The following TNFAIP1 variants were observed in gnomAD, a reference collection of about 807,000 sequenced individuals.
The protein encoded by TNFAIP1 is BTB/POZ domain-containing adapter for CUL3-mediated RhoA degradation protein 2.
In TNFAIP1, 20 loss-of-function variants were observed where a neutral mutation model predicts 32.6. The ratio of observed to expected loss-of-function variants is 0.61; its 90% CI spans 0.43 to 0.89. The LOEUF is 0.89. Ranked by LOEUF, TNFAIP1 falls within the 40% of genes least tolerant of loss-of-function variation. The pLI, the probability that TNFAIP1 is intolerant of heterozygous loss-of-function variation, is 0.00. For missense variants in TNFAIP1, 319 were observed against 425.1 expected (o/e 0.75, Z 2.20); for synonymous variants, 166 against 166.8 (o/e 1.00, Z 0.04).
intron 3 of TNFAIP1, 122 bp from the exon 4 acceptor site, chr17:28,341,115 C>A: frequency 3.0e-6 from 3 of 1,002,758 alleles, no homozygotes; most frequent in Non-Finnish European, 4.6e-6. Flanking sequence ...GCCTCATGAT[C>A]TGTATCTGAC....
At chr17:28,341,530 TCGGCG>T in intron 5 of TNFAIP1, 74 bp downstream of exon 5, 1 of 1,551,790 alleles carries the variant, frequency 6.4e-7, no homozygotes, top group Non-Finnish European at 8.9e-7. Flanking sequence ...CCCAGCACGG[TCGGCG>T]TGGGTCTGGG....
At chr17:28,337,222 G>C (rs571478634) in intron 1 of TNFAIP1, among the ~76,000 whole-genome samples, 59 of 152,164 alleles carry the variant, frequency 3.9e-4, no homozygotes, top group African/African-American at 1.3e-3. Flanking sequence ...CTACAAGCAA[G>C]TCAGATCATA....
In TNFAIP1 at chr17:28,341,346, G is replaced by A. The variant is rs1206675378; in HGVS notation, c.465+20G>A. The stretch of plus-strand genomic sequence containing the variant: ...ACCAAGGTACCAGGACCTCTGAGGG[G>A]TGCGGGCCGGGGATGCCAGTCCCCT... On this transcript the variant is annotated intron_variant, in intron 4 of 6. Transcript: ENST00000226225. 3 of 1,614,096 alleles carry A rather than the reference G, an allele frequency of 1.9e-6. No homozygotes were observed. The highest frequency in any genetic ancestry group is 1.7e-5 in the Admixed American group (1 of 60,012).
chr17:28,342,836 G>A lies in TNFAIP1; in HGVS notation c.714+394G>A, dbSNP rs184789272. Among the ~76,000 whole-genome samples the A allele has an allele frequency of 9.2e-5, 14 of 152,296 alleles. No homozygotes were observed. The highest frequency in any genetic ancestry group is 2.6e-4 in the African/African-American group (11 of 41,552). On this transcript the variant is annotated intron_variant, in intron 6 of 6. Coordinates refer to ENST00000226225, the MANE Select transcript of TNFAIP1 (RefSeq NM_021137.5). The surrounding 1 kb of genome is among the most constrained non-coding windows in gnomAD (Gnocchi z 4.0). ...ATGGGGATGATAGTATGAATTTAAC[G>A]AGATATGAAAATGATACAACTCTTT...
At chr17:28,338,751 A>G (rs1907256198) in intron 1 of TNFAIP1, among the ~76,000 whole-genome samples, 2 of 151,938 alleles carry the variant, frequency 1.3e-5, no homozygotes, top group Non-Finnish European at 2.9e-5. Context: ...CCTTGACAAG[A>G]AAGTAACTGG....
At chr17:28,338,541 C>G (rs1907250631) in intron 1 of TNFAIP1, among the ~76,000 whole-genome samples, 1 of 152,012 alleles carries the variant, frequency 6.6e-6, no homozygotes, top group African/African-American at 2.4e-5. Flanking sequence ...CCCTGGCTTA[C>G]TGCATTCTCT....
Position 28,346,278 on chromosome 17 carries a change from T to C in TNFAIP1, c.*1678T>C, listed in dbSNP as rs1320582930. ...AGCTACTAGTTCTTCCAGCCCTCAT[T>C]GAGGTAACAAGATAAAGACAAATCC... On this transcript the variant is annotated 3_prime_UTR_variant, in exon 7 of 7. Transcript: ENST00000226225. The C allele has an allele frequency of 3.3e-5, 5 of 152,214 alleles. No homozygotes were observed. Among genetic ancestry groups the C allele is most frequent in the African/African-American group, 4.8e-5 (2 of 41,456 alleles). The allele number at this position is 152,214 out of a possible 1,614,324, so 9.4% of individuals were successfully genotyped here. A position where few individuals can be genotyped will look rare whatever the true frequency, so the allele number is the denominator to read the frequency against.
rs1555579022 is a variant in TNFAIP1 at position 28,346,803 on chromosome 17, T to C, written c.*2203T>C. On this transcript the variant is annotated 3_prime_UTR_variant, in exon 7 of 7. Transcript: ENST00000226225. ...TGAAGGTCAGATTTTCTTGTCAGTT[T>C]CTGAGAAACCTGGCAGCCTGCTGTT... 1 of 152,216 alleles carries C rather than the reference T, an allele frequency of 6.6e-6. No homozygotes were observed. The highest frequency in any genetic ancestry group is 1.5e-5 in the Non-Finnish European group (1 of 68,042). The allele number at this position is 152,216 out of a possible 1,614,324, so 9.4% of individuals were successfully genotyped here. A position where few individuals can be genotyped will look rare whatever the true frequency, so the allele number is the denominator to read the frequency against.
At position 28,344,321 on chromosome 17, in the gene TNFAIP1, T is replaced by C. The variant is rs782193997; in HGVS notation, c.715-43T>C. The C allele has an allele frequency of 2.6e-6, 4 of 1,567,882 alleles. No individual in the cohort carries two copies. In the South Asian group the frequency reaches 4.4e-5, roughly 17 times the overall value. On this transcript the variant is annotated intron_variant, in intron 6 of 6. Transcript: ENST00000226225. ...GCCGCTCTGACGCATGGCTTCCTCTTGAAGATGAAACCTTGCTCCACCTTC... is the reference window on the plus strand; with the variant it reads ...GCCGCTCTGACGCATGGCTTCCTCTCGAAGATGAAACCTTGCTCCACCTTC...
At position 28,345,012 on chromosome 17, in the gene TNFAIP1, T is replaced by C. The variant is rs1907502216; in HGVS notation, c.*412T>C. ...AAGTGGGACGTCTTTTTTCCTAAGG[T>C]GTTTAAGCACAGGCTTGATAAGTTT... On this transcript the variant is annotated 3_prime_UTR_variant, in exon 7 of 7. Coordinates refer to ENST00000226225, the MANE Select transcript of TNFAIP1 (RefSeq NM_021137.5). 1 of 211,600 alleles carries C rather than the reference T, an allele frequency of 4.7e-6. No homozygotes were observed. The highest frequency in any genetic ancestry group is 5.1e-5 in the Admixed American group (1 of 19,552). The allele number at this position is 211,600 out of a possible 1,614,324, so 13.1% of individuals were successfully genotyped here.
Position 28,340,593 on chromosome 17 carries a change from CA to C in TNFAIP1, c.375+118del. On this transcript the variant is annotated intron_variant, in intron 3 of 6. Coordinates refer to ENST00000226225, the MANE Select transcript of TNFAIP1 (RefSeq NM_021137.5). This position sits in a 1 kb window ranked among gnomAD's most constrained non-coding sequence, Gnocchi z 4.1. ...GTGTGGGAGGCGTGGTTGATGAGTGCAAACCTAATGAGACAAGTGAGATGCC... is the reference window on the plus strand; with the variant it reads ...GTGTGGGAGGCGTGGTTGATGAGTGCAACCTAATGAGACAAGTGAGATGCC... 1 of 1,239,130 alleles carries C rather than the reference CA, an allele frequency of 8.1e-7. No individual in the cohort carries two copies. Among genetic ancestry groups the C allele is most frequent in the Non-Finnish European group, 1.1e-6 (1 of 885,714 alleles). 76.8% of individuals were successfully genotyped at this position (1,239,130 alleles called of 1,614,324 possible). A position where few individuals can be genotyped will look rare whatever the true frequency, so the allele number is the denominator to read the frequency against.
intron 1 of TNFAIP1, among the ~76,000 whole-genome samples, chr17:28,337,764 T>C (rs1233397573): frequency 6.6e-6 from 1 of 152,226 alleles, no homozygotes; most frequent in Non-Finnish European, 1.5e-5. Flanking sequence ...ATCCCAAAGA[T>C]GCTTTTCCTG....
chr17:28,339,530 G>T lies in TNFAIP1; in HGVS notation c.9G>T (p.Gly3=). The part of the protein sequence containing the change: MS[G]DTCLCPASGA... ...TCTACCTGCAGCGGGAGATGTCGGGGGACACCTGCCTGTGCCCAGCCTCAG... is the reference window on the plus strand; with the variant it reads ...TCTACCTGCAGCGGGAGATGTCGGGTGACACCTGCCTGTGCCCAGCCTCAG... Residue 3 remains glycine, a synonymous_variant, in exon 2 of 7, where the codon GGG becomes GGT. Coordinates refer to ENST00000226225, the MANE Select transcript of TNFAIP1 (RefSeq NM_021137.5). 6.2e-7 allele frequency: 1 copy of T among 1,601,266 alleles called. No homozygotes were observed. Among genetic ancestry groups the T allele is most frequent in the East Asian group, 2.2e-5 (1 of 44,726 alleles).
chr17:28,341,506 G>A (rs1555578180), intron 5 of TNFAIP1, 50 bp downstream of exon 5: 1 of 1,596,268 alleles, frequency 6.3e-7, no homozygotes, highest in South Asian at 1.1e-5. Flanking sequence ...GACCCAAGGA[G>A]TACTGCCTGT....
chr17:28,345,165 TG>T lies in TNFAIP1; in HGVS notation c.*566del, dbSNP rs1329758553. On this transcript the variant is annotated 3_prime_UTR_variant, in exon 7 of 7. Coordinates refer to ENST00000226225, the MANE Select transcript of TNFAIP1 (RefSeq NM_021137.5). The stretch of plus-strand genomic sequence containing the variant: ...AGAACCCTTGGCCCTTCTCCATGCC[TG>T]TGGGATCTGTTTCTTTAAAGCACTT... 7.0e-5 allele frequency: 11 copies of T among 158,188 alleles called. No individual in the cohort carries two copies. The highest frequency in any genetic ancestry group is 2.6e-4 in the African/African-American group (11 of 41,516). The allele number at this position is 158,188 out of a possible 1,614,324, so 9.8% of individuals were successfully genotyped here. A position where few individuals can be genotyped will look rare whatever the true frequency, so the allele number is the denominator to read the frequency against.
In TNFAIP1 at chr17:28,342,121, G is replaced by C; in HGVS notation, c.519-126G>C. 1 of 836,786 alleles carries C rather than the reference G, an allele frequency of 1.2e-6. No homozygotes were observed. The highest frequency in any genetic ancestry group is 1.8e-6 in the Non-Finnish European group (1 of 564,872). 51.8% of individuals were successfully genotyped at this position (836,786 alleles called of 1,614,324 possible). A position where few individuals can be genotyped will look rare whatever the true frequency, so the allele number is the denominator to read the frequency against. Reference sequence around the variant, plus strand: ...TGATCCTTTCTCTCCTGGCCCCCTGGCATCTTGCTTTCATTTCGGCAGGAC... The same window carrying C: ...TGATCCTTTCTCTCCTGGCCCCCTGCCATCTTGCTTTCATTTCGGCAGGAC... On this transcript the variant is annotated intron_variant, in intron 5 of 6. Transcript: ENST00000226225. This position sits in a 1 kb window ranked among gnomAD's most constrained non-coding sequence, Gnocchi z 4.0.
chr17:28,343,031 C>T (rs961917522), intron 6 of TNFAIP1, among the ~76,000 whole-genome samples: 2 of 152,090 alleles, frequency 1.3e-5, no homozygotes, highest in South Asian at 4.2e-4. Flanking sequence ...AAAAATTAGC[C>T]AGGCATCGTG....
Position 28,342,523 on chromosome 17 carries a change from G to A in TNFAIP1, c.714+81G>A, listed in dbSNP as rs782570078. 38 of 1,344,374 alleles carry A rather than the reference G, an allele frequency of 2.8e-5. No homozygotes were observed. Among genetic ancestry groups the A allele is most frequent in the Admixed American group, 7.4e-5 (3 of 40,354 alleles). The allele number at this position is 1,344,374 out of a possible 1,614,324, so 83.3% of individuals were successfully genotyped here. ...GACGTGGTCGGGCTGTGACCAGCAC[G>A]GAGCAAAAGGGGCATGGACTTGGCT... On this transcript the variant is annotated intron_variant, in intron 6 of 6. Transcript: ENST00000226225. The surrounding 1 kb of genome is among the most constrained non-coding windows in gnomAD (Gnocchi z 4.0).
At position 28,338,608 on chromosome 17, in the gene TNFAIP1, A is replaced by G. The variant is rs538511474; in HGVS notation, c.-114-800A>G. Among the ~76,000 whole-genome samples, 4 of 150,130 alleles carry G rather than the reference A, an allele frequency of 2.7e-5. No homozygotes were observed. The South Asian group carries it at 8.6e-4, about 32-fold the overall frequency. On this transcript the variant is annotated intron_variant, in intron 1 of 6. Transcript: ENST00000226225. ...CCAGACTCTCGGTGGTGCTCAAAAT[A>G]AACACTGGCACAGACTGCTCTGGAG...
Sources: allele counts gnomAD v4.1 joint callset (sites outside exome capture counted in the v4.1 genomes callset), GRCh38; gene constraint gnomAD v4.1.1; non-coding constraint Gnocchi (gnomAD v3.1); transcripts MANE v1.5; gene names NCBI Gene and HGNC (gene_info 2026-07-23, HGNC 2026-07-21).